The following ATP7B variants were observed in gnomAD, a reference collection of about 807,000 sequenced individuals.
The protein encoded by ATP7B is ATPase copper transporting beta.
A neutral mutation model predicts 118.9 loss-of-function variants in ATP7B; 113 were observed. The observed-to-expected ratio is 0.95, with a 90% CI of 0.82 to 1.11. The LOEUF (loss-of-function observed/expected upper bound fraction) is 1.11, where lower values mean the gene tolerates loss of function less well. Among genes scored for constraint, ATP7B ranks in the 50% most tolerant of loss-of-function variants. The pLI is 0.00. For synonymous variants in ATP7B, 777 were observed against 727.4 expected (o/e 1.07, Z -1.10); for missense variants, 1,867 against 1,871.4 (o/e 1.00, Z 0.04).
At chr13:52,008,035 C>T (rs969003779) in intron 1 of ATP7B, among the ~76,000 whole-genome samples, 6 of 151,772 alleles carry the variant, frequency 4.0e-5, no homozygotes, top group Non-Finnish European at 8.8e-5. Context: ...ATTTGTGATC[C>T]ACTGCATTGG....
Position 51,950,399 on chromosome 13 carries a change from C to A in ATP7B, c.2448G>T (p.Arg816Ser), listed in dbSNP as rs1957924589. The A allele has an allele frequency of 1.2e-6, 2 of 1,613,846 alleles. No individual in the cohort carries two copies. Among genetic ancestry groups the A allele is most frequent in the Non-Finnish European group, 1.7e-6 (2 of 1,180,052 alleles). ...CCAGCTCCATGGGGACTTGCTCCTC[C>A]CTGCAACAAACGCCACTTATCACTC... ...VTLGEDNLII[R>S]EEQVPMELVQ... The change falls in exon 10 of 21, where the codon AGG (arginine) becomes AGT (serine). Residue 816 changes from arginine to serine, a missense_variant and splice_region_variant. Coordinates refer to ENST00000242839, the MANE Select transcript of ATP7B (RefSeq NM_000053.4).
At chr13:52,006,931 G>A (rs1029216675) in intron 1 of ATP7B, among the ~76,000 whole-genome samples, 1 of 152,106 alleles carries the variant, frequency 6.6e-6, no homozygotes, top group African/African-American at 2.4e-5. Context: ...AGACAGCTCT[G>A]TCCCAGCATG....
At chr13:51,986,552 C>T (rs1952659278) in intron 1 of ATP7B, among the ~76,000 whole-genome samples, 1 of 152,178 alleles carries the variant, frequency 6.6e-6, no homozygotes, top group South Asian at 2.1e-4. Flanking sequence ...GGACTCCTCC[C>T]TAACTCATTT....
intron 1 of ATP7B, among the ~76,000 whole-genome samples, chr13:51,982,822 C>G (rs989832972): frequency 1.4e-4 from 22 of 152,338 alleles, no homozygotes; most frequent in African/African-American, 5.3e-4. Context: ...TAGTGAACCT[C>G]CTCCACTAGC....
intron 13 of ATP7B, among the ~76,000 whole-genome samples, chr13:51,945,642 G>A (rs138701237): frequency 6.6e-6 from 1 of 152,274 alleles, no homozygotes; most frequent in Non-Finnish European, 1.5e-5. Flanking sequence ...TCAGTATCTC[G>A]TAATACTCAG....
At position 51,933,655 on chromosome 13, in the gene ATP7B, C is replaced by G. The variant is rs1306653055; in HGVS notation, c.*1101G>C. ...CTGGGCAGCGTGCAGAATGCAGGCTCAGGGAGGCTGTGTTTTCCTCCTATT... is the reference window on the plus strand; with the variant it reads ...CTGGGCAGCGTGCAGAATGCAGGCTGAGGGAGGCTGTGTTTTCCTCCTATT... On this transcript the variant is annotated 3_prime_UTR_variant, in exon 21 of 21. Transcript: ENST00000242839. 1 of 152,212 alleles carries G rather than the reference C, an allele frequency of 6.6e-6. No individual in the cohort carries two copies. Among genetic ancestry groups the G allele is most frequent in the African/African-American group, 2.4e-5 (1 of 41,426 alleles). 9.4% of individuals were successfully genotyped at this position (152,212 alleles called of 1,614,324 possible). A position where few individuals can be genotyped will look rare whatever the true frequency, so the allele number is the denominator to read the frequency against.
intron 1 of ATP7B, among the ~76,000 whole-genome samples, chr13:51,994,511 G>A (rs1339749618): frequency 2.0e-5 from 3 of 152,030 alleles, no homozygotes; most frequent in South Asian, 2.1e-4. Flanking sequence ...AAATACCTCC[G>A]AGCATAGTTA....
intron 1 of ATP7B, among the ~76,000 whole-genome samples, chr13:51,977,817 G>A (rs1042857120): frequency 1.3e-5 from 2 of 152,090 alleles, no homozygotes; most frequent in African/African-American, 2.4e-5. Context: ...CTAGGCAATA[G>A]GAATTTTTCA....
rs752712932 is a variant in ATP7B at position 51,941,070 on chromosome 13, G to A, written c.3556+11C>T. 25 of 1,614,176 alleles carry A rather than the reference G, an allele frequency of 1.5e-5. No individual in the cohort carries two copies. Among genetic ancestry groups the A allele is most frequent in the Admixed American group, 3.3e-5 (2 of 60,028 alleles). ...CTGAGAGAGCGGAAGGAAGGCAGAA[G>A]CAGAAGATACCGTCAATAGCCACCA... On this transcript the variant is annotated intron_variant, in intron 16 of 20. Coordinates refer to ENST00000242839, the MANE Select transcript of ATP7B (RefSeq NM_000053.4).
chr13:51,947,409 A>T (rs1432289277), intron 12 of ATP7B, among the ~76,000 whole-genome samples: 2 of 152,140 alleles, frequency 1.3e-5, no homozygotes, highest in African/African-American at 4.8e-5. Flanking sequence ...GACACTTGGT[A>T]TTATTTGCAT....
chr13:51,970,070 C>A (rs1181669195), intron 3 of ATP7B, among the ~76,000 whole-genome samples: 1 of 152,144 alleles, frequency 6.6e-6, no homozygotes, highest in East Asian at 1.9e-4. Context: ...CCTGTTGTTC[C>A]TACAAACACT....
At chr13:51,992,219 G>A (rs1032994449) in intron 1 of ATP7B, among the ~76,000 whole-genome samples, 2 of 151,838 alleles carry the variant, frequency 1.3e-5, no homozygotes, top group African/African-American at 2.4e-5. Flanking sequence ...TCATAGCAGC[G>A]GCCTTTCTGA....
intron 9 of ATP7B, among the ~76,000 whole-genome samples, chr13:51,953,684 T>C (rs1451236445): frequency 1.3e-5 from 2 of 152,128 alleles, no homozygotes; most frequent in Admixed American, 6.5e-5. Flanking sequence ...GTTTGTTTCA[T>C]AGCACTTCAT....
At chr13:51,963,603 G>T (rs1339391943) in intron 5 of ATP7B, among the ~76,000 whole-genome samples, 1 of 152,010 alleles carries the variant, frequency 6.6e-6, no homozygotes, top group Non-Finnish European at 1.5e-5. Flanking sequence ...AGGCATGGTG[G>T]CAGGTGCCTG....
At chr13:51,946,539 T>C (rs1957673568) in intron 12 of ATP7B, 61 bp from the exon 13 acceptor site, 14 of 1,580,306 alleles carry the variant, frequency 8.9e-6, no homozygotes, top group Non-Finnish European at 1.1e-5. Flanking sequence ...CCCAGAACTC[T>C]AATCACATAA....
Position 51,950,267 on chromosome 13 carries a change from C to G in ATP7B, c.2575+5G>C, listed in dbSNP as rs551030054. 9.9e-6 allele frequency: 16 copies of G among 1,614,078 alleles called. No homozygotes were observed. Among genetic ancestry groups the G allele is most frequent in the Non-Finnish European group, 1.3e-5 (15 of 1,180,036 alleles). The stretch of plus-strand genomic sequence containing the variant: ...CCTGAGGGAACATGAAACAAGCCAT[C>G]TCACCTGTGATGAGGGACTCATCAG... On this transcript the variant is annotated splice_donor_5th_base_variant and intron_variant, in intron 10 of 20. Transcript: ENST00000242839.
At chr13:51,991,493 C>T (rs376995809) in intron 1 of ATP7B, among the ~76,000 whole-genome samples, 9 of 151,312 alleles carry the variant, frequency 5.9e-5, no homozygotes, top group African/African-American at 1.2e-4. Flanking sequence ...GAGACCCTGT[C>T]GGGAAAAAAA....
intron 13 of ATP7B, among the ~76,000 whole-genome samples, chr13:51,945,286 G>T (rs943930602): frequency 6.6e-6 from 1 of 152,034 alleles, no homozygotes; most frequent in African/African-American, 2.4e-5. Flanking sequence ...CTCCCTCAAC[G>T]GCCTCATCTC....
In ATP7B at chr13:51,975,151, A is replaced by G. The variant is rs1952044113; in HGVS notation, c.69T>C (p.Ser23=). 6.2e-7 allele frequency: 1 copy of G among 1,614,144 alleles called. No homozygotes were observed. The highest frequency in any genetic ancestry group is 1.7e-5 in the Admixed American group (1 of 60,014). ...GASRKILSKL[S]LPTRAWEPAM... is the part of the protein sequence containing the mutation. ...CTGGTTCCCAGGCACGGGTAGGCAA[A>G]GAAAGCTTAGATAAGATCTAAAAAG... is the stretch of plus-strand genomic sequence containing the variant. Residue 23 remains serine, a synonymous_variant, in exon 2 of 21, where the codon TCT becomes TCC. Coordinates refer to ENST00000242839, the MANE Select transcript of ATP7B (RefSeq NM_000053.4).
Sources: allele counts gnomAD v4.1 joint callset (sites outside exome capture counted in the v4.1 genomes callset), GRCh38; gene constraint gnomAD v4.1.1; transcripts MANE v1.5; gene names NCBI Gene and HGNC (gene_info 2026-07-23, HGNC 2026-07-21).